NTM: variants seen among roughly 807,000 people sequenced by gnomAD.
NTM encodes the protein IgLON family member 2.
Under a neutral mutation model 42.1 loss-of-function variants are expected in NTM, and 13 were observed. The observed-to-expected ratio is 0.31, with a 90% CI of 0.20 to 0.49. NTM has a LOEUF of 0.49. Ranked by LOEUF, NTM falls within the 20% of genes least tolerant of loss-of-function variation. NTM has a pLI of 0.99. For missense variants in NTM, 373 were observed against 452.8 expected (o/e 0.82, Z 1.60); for synonymous variants, 187 against 179.2 (o/e 1.04, Z -0.35).
chr11:131,676,516 T>C (rs913684642), intron 1 of NTM, among the ~76,000 whole-genome samples: 1 of 152,192 alleles, frequency 6.6e-6, no homozygotes, highest in African/African-American at 2.4e-5. Flanking sequence ...TGCGTGACTG[T>C]GAACCTGCAT....
intron 2 of NTM, among the ~76,000 whole-genome samples, chr11:132,030,445 G>A (rs77286015): frequency 0.019 from 2,907 of 152,176 alleles, 85 homozygotes; most frequent in African/African-American, 0.065. Context: ...CATGAAAATC[G>A]TTTTCTGGCC....
At chr11:132,315,688 T>G (rs1363400190) in intron 7 of NTM, among the ~76,000 whole-genome samples, 1 of 152,190 alleles carries the variant, frequency 6.6e-6, no homozygotes, top group Non-Finnish European at 1.5e-5. Flanking sequence ...TGCTAGCGTA[T>G]GTGGCTTGCT....
At chr11:132,048,299 C>T (rs904458441) in intron 2 of NTM, among the ~76,000 whole-genome samples, 6 of 152,172 alleles carry the variant, frequency 3.9e-5, no homozygotes, top group African/African-American at 1.4e-4. Context: ...AGCCCAAGAG[C>T]CTCCTGCAAA....
intron 1 of NTM, among the ~76,000 whole-genome samples, chr11:131,625,546 A>G (rs1454170056): frequency 6.6e-6 from 1 of 152,152 alleles, no homozygotes; most frequent in Non-Finnish European, 1.5e-5. Context: ...GAGGGAGGAT[A>G]GAAGAAAGGC....
At chr11:132,113,993 C>G (rs1040773924) in intron 2 of NTM, among the ~76,000 whole-genome samples, 4 of 152,152 alleles carry the variant, frequency 2.6e-5, no homozygotes, top group African/African-American at 9.7e-5. Flanking sequence ...TCATGTCATT[C>G]TTCATCATCT....
chr11:131,511,289 C>T (rs2048206089), intron 1 of NTM, among the ~76,000 whole-genome samples: 1 of 152,170 alleles, frequency 6.6e-6, no homozygotes, highest in African/African-American at 2.4e-5. Flanking sequence ...CAGGCCCCAG[C>T]CAGGCCATGA....
At chr11:131,514,032 G>A (rs1021896575) in intron 1 of NTM, among the ~76,000 whole-genome samples, 3 of 152,002 alleles carry the variant, frequency 2.0e-5, no homozygotes, top group Non-Finnish European at 4.4e-5. Context: ...GCTTCACCAG[G>A]AGAAATTATT....
At chr11:131,791,712 G>A (rs980457782) in intron 1 of NTM, among the ~76,000 whole-genome samples, 28 of 152,168 alleles carry the variant, frequency 1.8e-4, no homozygotes, top group African/African-American at 5.3e-4. Context: ...AGTATCTGTC[G>A]GATGTGTGAA....
At chr11:131,787,999 C>G in intron 1 of NTM, among the ~76,000 whole-genome samples, 1 of 152,184 alleles carries the variant, frequency 6.6e-6, no homozygotes, top group East Asian at 1.9e-4. Context: ...TTTCTCTTTT[C>G]TTAGTCCTAA....
intron 2 of NTM, among the ~76,000 whole-genome samples, chr11:132,087,851 G>A (rs1327331321): frequency 6.6e-6 from 1 of 152,236 alleles, no homozygotes; most frequent in Non-Finnish European, 1.5e-5. Context: ...GATCAAGTTG[G>A]ATTAATTGAC....
intron 1 of NTM, among the ~76,000 whole-genome samples, chr11:131,718,260 C>T (rs2077937189): frequency 6.6e-6 from 1 of 152,106 alleles, no homozygotes; most frequent in Non-Finnish European, 1.5e-5. Context: ...CTTCAATTTT[C>T]TTGAAAGAGT....
At chr11:131,798,371 G>T (rs576878417) in intron 1 of NTM, among the ~76,000 whole-genome samples, 29 of 152,198 alleles carry the variant, frequency 1.9e-4, no homozygotes, top group Non-Finnish European at 2.8e-4. Context: ...AAAGAGGGAA[G>T]ATGGAGACTC....
Position 131,557,545 on chromosome 11 carries a change from C to T in NTM, c.82+186657C>T, listed in dbSNP as rs556809756. Among the ~76,000 whole-genome samples, 8 of 152,178 alleles carry T rather than the reference C, an allele frequency of 5.3e-5. No homozygotes were observed. The South Asian group carries it at 1.7e-3, about 32-fold the overall frequency. ...TTTCTGGAAGTCTAGGTTCCTGGGC[C>T]TAAAACTAGTAATAAACTTATCTTA... On this transcript the variant is annotated intron_variant, in intron 1 of 8. Transcript: ENST00000683400.
At chr11:132,243,112 G>C (rs565087074) in intron 4 of NTM, among the ~76,000 whole-genome samples, 1 of 152,120 alleles carries the variant, frequency 6.6e-6, no homozygotes, top group Non-Finnish European at 1.5e-5. Context: ...TCTAATTTAG[G>C]GAGGACATAT....
At chr11:131,761,350 T>C (rs1326265146) in intron 1 of NTM, among the ~76,000 whole-genome samples, 1 of 152,178 alleles carries the variant, frequency 6.6e-6, no homozygotes, top group East Asian at 1.9e-4. Context: ...ACCCAAGGGT[T>C]ACAGATGGAA....
intron 2 of NTM, among the ~76,000 whole-genome samples, chr11:132,123,406 A>G (rs2065157629): frequency 6.6e-6 from 1 of 152,136 alleles, no homozygotes; most frequent in African/African-American, 2.4e-5. Context: ...TTCTAAACAC[A>G]ACCATGTCTC....
At chr11:131,631,011 A>C (rs1311856456) in intron 1 of NTM, among the ~76,000 whole-genome samples, 1 of 152,208 alleles carries the variant, frequency 6.6e-6, no homozygotes, top group Non-Finnish European at 1.5e-5. Context: ...CCAGCTTTTC[A>C]TTACCATCCA....
At chr11:131,588,935 A>T (rs2059118041) in intron 1 of NTM, among the ~76,000 whole-genome samples, 1 of 152,188 alleles carries the variant, frequency 6.6e-6, no homozygotes, top group Non-Finnish European at 1.5e-5. Context: ...AATGGCATTA[A>T]CAGGTGTGGC....
intron 4 of NTM, among the ~76,000 whole-genome samples, chr11:132,275,017 ACATTT>A (rs1007922024): frequency 6.6e-6 from 1 of 152,068 alleles, no homozygotes; most frequent in Non-Finnish European, 1.5e-5. Flanking sequence ...TGGATTGCAA[ACATTT>A]CATTTCATTT....
Sources: allele counts gnomAD v4.1 joint callset (sites outside exome capture counted in the v4.1 genomes callset), GRCh38; gene constraint gnomAD v4.1.1; transcripts MANE v1.5; gene names NCBI Gene and HGNC (gene_info 2026-07-23, HGNC 2026-07-21).